CLDN16: variants seen among roughly 807,000 people sequenced by gnomAD.
The protein encoded by CLDN16 is claudin-16.
In CLDN16, 13 loss-of-function variants were observed where a neutral mutation model predicts 24.6. That is an observed-to-expected ratio of 0.53 (90% CI 0.34 to 0.84). The LOEUF (loss-of-function observed/expected upper bound fraction) is 0.84. Among genes scored for constraint, CLDN16 ranks in the 40% least tolerant of loss-of-function variants. The probability of loss-of-function intolerance (pLI) is 0.01; values close to 1 mark genes in which losing one functional copy is unlikely to be tolerated. For missense variants in CLDN16, 298 were observed against 292.7 expected (o/e 1.02, Z -0.13); for synonymous variants, 116 against 106.7 (o/e 1.09, Z -0.54).
chr3:190,377,493 C>T (rs140541439), intron 3 of CLDN16, among the ~76,000 whole-genome samples: 220 of 151,822 alleles, frequency 1.4e-3, no homozygotes, highest in Non-Finnish European at 2.0e-3. Context: ...GAGCTTTGTC[C>T]CTGGTAAAAC....
the CLDN16 span, chr3:190,308,084 A>C: frequency 1.6e-6 from 1 of 623,796 alleles, no homozygotes; most frequent in Admixed American, 2.7e-5. Flanking sequence ...TATTGAGGAA[A>C]GAAGATAAAA....
Position 190,350,344 on chromosome 3 carries a change from T to A in CLDN16, n.122-20549T>A, listed in dbSNP as rs201160591. Among the ~76,000 whole-genome samples the A allele has an allele frequency of 1.8e-3, 260 of 141,982 alleles. 2 individuals are homozygous for A. Among genetic ancestry groups the A allele is most frequent in the Non-Finnish European group, 2.4e-3 (158 of 64,582 alleles). 93.1% of individuals were successfully genotyped at this position (141,982 alleles called of 152,430 possible). A position where few individuals can be genotyped will look rare whatever the true frequency, so the allele number is the denominator to read the frequency against. On this transcript the variant is annotated intron_variant and non_coding_transcript_variant, in intron 1 of 4. Transcript: ENST00000468220. ...AGTTTAAGAATCATAGTTCATAATG[T>A]TATATATATATATATATATATACTT...
intron 1 of CLDN16, among the ~76,000 whole-genome samples, chr3:190,392,241 C>G (rs1423802007): frequency 2.0e-5 from 3 of 151,926 alleles, no homozygotes; most frequent in Non-Finnish European, 4.4e-5. Flanking sequence ...TCCAACTTCT[C>G]TTTTTCCTTC....
intron 1 of CLDN16, among the ~76,000 whole-genome samples, chr3:190,324,332 A>T (rs1482509879): frequency 2.6e-5 from 4 of 151,892 alleles, no homozygotes; most frequent in African/African-American, 9.7e-5. Context: ...ACAATATGAA[A>T]ATTAGCCGGG....
chr3:190,323,027 C>CACACACACACACACACACACACACACAG (rs1219134741), intron 1 of CLDN16, among the ~76,000 whole-genome samples: 2 of 149,848 alleles, frequency 1.3e-5, no homozygotes, highest in East Asian at 2.0e-4. Flanking sequence ...CACACACACA[C>CACACACACACACACACACACACACACAG]AGACACACTC....
chr3:190,344,755 G>A (rs1717516354), intron 1 of CLDN16, among the ~76,000 whole-genome samples: 1 of 151,940 alleles, frequency 6.6e-6, no homozygotes, highest in Non-Finnish European at 1.5e-5. Context: ...ATAGAATAAA[G>A]GAGGATAAAT....
At chr3:190,378,257 G>A (rs184057607) in intron 3 of CLDN16, among the ~76,000 whole-genome samples, 19 of 152,106 alleles carry the variant, frequency 1.2e-4, no homozygotes, top group Admixed American at 1.0e-3. Flanking sequence ...CAGCAATTGA[G>A]AAGATCCTTG....
At chr3:190,342,619 G>A (rs983501779) in intron 1 of CLDN16, among the ~76,000 whole-genome samples, 1 of 152,182 alleles carries the variant, frequency 6.6e-6, no homozygotes, top group African/African-American at 2.4e-5. Flanking sequence ...AAAGAGGCAT[G>A]TCAGCCAGTG....
chr3:190,387,533 T>G (rs1301488152), upstream of CLDN16, among the ~76,000 whole-genome samples: 1 of 152,138 alleles, frequency 6.6e-6, no homozygotes, highest in African/African-American at 2.4e-5. Flanking sequence ...AGAACAAGCA[T>G]TATATAAAGA....
At chr3:190,344,007 A>G (rs79798821) in intron 1 of CLDN16, among the ~76,000 whole-genome samples, 4,489 of 151,962 alleles carry the variant, frequency 0.03, 107 homozygotes, top group East Asian at 0.081. Flanking sequence ...ATGTAAGATG[A>G]TGGATTTGCT....
intron 1 of CLDN16, among the ~76,000 whole-genome samples, chr3:190,401,434 G>T (rs796679116): frequency 3.3e-5 from 5 of 152,310 alleles, no homozygotes; most frequent in African/African-American, 1.2e-4. Context: ...GATACAGAAG[G>T]TAATTTGAAT....
At chr3:190,302,003 T>A in the CLDN16 span, among the ~76,000 whole-genome samples, 1 of 152,228 alleles carries the variant, frequency 6.6e-6, no homozygotes, top group African/African-American at 2.4e-5. Context: ...ATTTTAAATC[T>A]CTTTCCCTTT....
chr3:190,395,345 A>G (rs56288830), intron 1 of CLDN16, among the ~76,000 whole-genome samples: 5,612 of 152,126 alleles, frequency 0.037, 273 homozygotes, highest in African/African-American at 0.1. Context: ...TAAATGTAAG[A>G]TATAAAGTAA....
chr3:190,359,736 A>T (rs1291412218), intron 1 of CLDN16, among the ~76,000 whole-genome samples: 1 of 152,012 alleles, frequency 6.6e-6, no homozygotes, highest in Non-Finnish European at 1.5e-5. Context: ...TCAGCGAGCC[A>T]GGTCTTAGAG....
At chr3:190,385,468 C>T (rs1285685630), upstream of CLDN16, among the ~76,000 whole-genome samples, 1 of 152,072 alleles carries the variant, frequency 6.6e-6, no homozygotes, top group Non-Finnish European at 1.5e-5. Context: ...GAGTAGTAAA[C>T]TTAAATTCAG....
intron 1 of CLDN16, among the ~76,000 whole-genome samples, chr3:190,335,193 G>A (rs1390013293): frequency 2.0e-5 from 3 of 151,442 alleles, no homozygotes; most frequent in Non-Finnish European, 2.9e-5. Context: ...ACAGGCACCC[G>A]CCACCATGCC....
intron 3 of CLDN16, among the ~76,000 whole-genome samples, chr3:190,407,661 T>C (rs887114669): frequency 5.3e-5 from 8 of 152,188 alleles, no homozygotes; most frequent in African/African-American, 1.7e-4. Flanking sequence ...GCTGTGGAGA[T>C]GTATTTAAAG....
At chr3:190,396,868 G>GGA (rs3063121) in intron 1 of CLDN16, among the ~76,000 whole-genome samples, 121,242 of 151,838 alleles carry the variant, frequency 0.8, 48,542 homozygotes, top group East Asian at 0.89. Context: ...TTGAGAGCAA[G>GGA]GAGTTATTCT....
At chr3:190,310,203 C>A in the CLDN16 span, 2 of 1,613,854 alleles carry the variant, frequency 1.2e-6, no homozygotes, top group Non-Finnish European at 1.7e-6. Flanking sequence ...TCATAGAATT[C>A]TTGAACGATT....
Sources: gnomAD v4.1 joint callset for allele counts (sites outside exome capture counted in the v4.1 genomes callset) on GRCh38, gnomAD v4.1.1 for gene constraint, MANE v1.5 for transcripts, NCBI Gene and HGNC (gene_info 2026-07-23, HGNC 2026-07-21) for gene names.